The following RAB38 variants were observed in gnomAD, a reference collection of about 807,000 sequenced individuals.
RAB38 encodes ras-related protein Rab-38.
In RAB38, 15 loss-of-function variants were observed where a neutral mutation model predicts 18.4. The observed-to-expected ratio is 0.82, with a 90% CI of 0.55 to 1.26. RAB38 has a LOEUF of 1.26. RAB38 is among the 50% of genes most tolerant of loss of function. The probability of loss-of-function intolerance (pLI) is 0.00; values close to 1 mark genes in which losing one functional copy is unlikely to be tolerated. For missense variants in RAB38, 294 were observed against 267.4 expected, an observed-to-expected ratio of 1.10 and a Z score of -0.69; for synonymous variants, 101 against 104.4, an observed-to-expected ratio of 0.97 and a Z score of 0.20.
the RAB38 span, among the ~76,000 whole-genome samples, chr11:87,912,429 T>G: frequency 6.6e-6 from 1 of 152,020 alleles, no homozygotes; most frequent in African/African-American, 2.4e-5. Context: ...CTTTTTATAG[T>G]TTGTGTCTCA....
the RAB38 span, among the ~76,000 whole-genome samples, chr11:87,901,576 T>G: frequency 1.3e-5 from 2 of 151,610 alleles, no homozygotes; most frequent in African/African-American, 2.4e-5. Context: ...GCATTCATTC[T>G]CAACCCTAAC....
At chr11:87,847,835 A>G in the RAB38 span, among the ~76,000 whole-genome samples, 2 of 152,128 alleles carry the variant, frequency 1.3e-5, no homozygotes, top group African/African-American at 4.8e-5. Context: ...TCAATAAATA[A>G]TGTCAGTGTC....
chr11:87,865,781 A>G, the RAB38 span, among the ~76,000 whole-genome samples: 2 of 151,738 alleles, frequency 1.3e-5, no homozygotes, highest in South Asian at 4.1e-4. Context: ...AAAACCAGTC[A>G]GGGTAAATAT....
At chr11:88,119,268 ACTC>A (rs1282194494) in intron 2 of RAB38, among the ~76,000 whole-genome samples, 1 of 152,018 alleles carries the variant, frequency 6.6e-6, no homozygotes, top group African/African-American at 2.4e-5. Flanking sequence ...TGGGATTCAT[ACTC>A]CTAACCTCTG....
the RAB38 span, among the ~76,000 whole-genome samples, chr11:87,826,161 T>A: frequency 1.3e-5 from 2 of 152,050 alleles, no homozygotes; most frequent in Non-Finnish European, 2.9e-5. Flanking sequence ...CGAGAATCAA[T>A]GAAAAGTTTT....
the RAB38 span, among the ~76,000 whole-genome samples, chr11:87,862,338 AAGG>A: frequency 6.6e-6 from 1 of 151,974 alleles, no homozygotes; most frequent in Non-Finnish European, 1.5e-5. Flanking sequence ...CATAAAAAGG[AAGG>A]AGATCATGTC....
At chr11:88,060,886 A>C in the RAB38 span, among the ~76,000 whole-genome samples, 1 of 152,224 alleles carries the variant, frequency 6.6e-6, no homozygotes, top group Admixed American at 6.5e-5. Context: ...TGAATTATGT[A>C]AGGTGATATG....
the RAB38 span, among the ~76,000 whole-genome samples, chr11:87,861,545 A>G: frequency 6.6e-6 from 1 of 151,890 alleles, no homozygotes; most frequent in African/African-American, 2.4e-5. Flanking sequence ...TCAGGGCAAC[A>G]GTTTTTTGAG....
chr11:87,846,597 TG>T, the RAB38 span, among the ~76,000 whole-genome samples: 1 of 152,066 alleles, frequency 6.6e-6, no homozygotes, highest in East Asian at 1.9e-4. Flanking sequence ...ACAATTTTTT[TG>T]TCATAGGAGA....
At chr11:87,859,869 G>C in the RAB38 span, among the ~76,000 whole-genome samples, 3 of 152,004 alleles carry the variant, frequency 2.0e-5, no homozygotes, top group Non-Finnish European at 4.4e-5. Context: ...ACATTGTATT[G>C]TAACAAGCTT....
chr11:88,039,743 C>A, the RAB38 span, among the ~76,000 whole-genome samples: 1 of 152,218 alleles, frequency 6.6e-6, no homozygotes, highest in South Asian at 2.1e-4. Context: ...TTATCAACTA[C>A]TCCTTAGCCT....
chr11:88,023,933 A>G, the RAB38 span, among the ~76,000 whole-genome samples: 1 of 152,216 alleles, frequency 6.6e-6, no homozygotes, highest in East Asian at 1.9e-4. Flanking sequence ...ACCTCAAACT[A>G]TGAAACTTCT....
At chr11:88,083,050 C>T in the RAB38 span, among the ~76,000 whole-genome samples, 18 of 151,824 alleles carry the variant, frequency 1.2e-4, no homozygotes, top group South Asian at 6.2e-4. Flanking sequence ...CGAATAGATA[C>T]GCTCCTACTT....
At chr11:87,925,105 A>G in the RAB38 span, among the ~76,000 whole-genome samples, 1 of 152,030 alleles carries the variant, frequency 6.6e-6, no homozygotes, top group Non-Finnish European at 1.5e-5. Flanking sequence ...CTCACTGGCA[A>G]TACTAGAAAA....
the RAB38 span, among the ~76,000 whole-genome samples, chr11:87,893,186 G>T: frequency 6.6e-6 from 1 of 151,028 alleles, no homozygotes; most frequent in African/African-American, 2.4e-5. Context: ...CCAAAGACCA[G>T]TTCTCTCATA....
chr11:87,876,509 A>C, the RAB38 span, among the ~76,000 whole-genome samples: 1 of 151,530 alleles, frequency 6.6e-6, no homozygotes, highest in African/African-American at 2.4e-5. Flanking sequence ...AAGAGTAACA[A>C]ATATTAATTC....
At chr11:87,936,408 C>T in the RAB38 span, among the ~76,000 whole-genome samples, 2 of 151,978 alleles carry the variant, frequency 1.3e-5, no homozygotes, top group African/African-American at 4.8e-5. Context: ...AGTAATCTTT[C>T]CTCCATTAAA....
At chr11:87,903,649 ATTGT>A in the RAB38 span, among the ~76,000 whole-genome samples, 6 of 149,306 alleles carry the variant, frequency 4.0e-5, no homozygotes, top group Admixed American at 1.3e-4. Context: ...TTCTTTCTTA[ATTGT>A]TTGTTAGCAT....
chr11:88,023,232 C>A, the RAB38 span, among the ~76,000 whole-genome samples: 1 of 151,536 alleles, frequency 6.6e-6, no homozygotes, highest in African/African-American at 2.4e-5. Context: ...AAACATCATA[C>A]AAAATCAGTA....
Sources: gnomAD v4.1 joint callset for allele counts (sites outside exome capture counted in the v4.1 genomes callset) on GRCh38, gnomAD v4.1.1 for gene constraint, MANE v1.5 for transcripts, NCBI Gene and HGNC (gene_info 2026-07-23, HGNC 2026-07-21) for gene names.